Variants in CDH12 observed in about 807,000 individuals in gnomAD.
CDH12 encodes the protein cadherin-12.
In CDH12, 41 loss-of-function variants were observed where a neutral mutation model predicts 74.1. The observed-to-expected ratio is 0.55, with a 90% CI of 0.43 to 0.72. The LOEUF is 0.72. CDH12 is among the 30% of genes least tolerant of loss of function. The pLI is 0.00. For synonymous variants in CDH12, 399 were observed against 355.0 expected (o/e 1.12, Z -1.39); for missense variants, 945 against 977.2 (o/e 0.97, Z 0.44).
chr5:21,880,572 T>TTCCCTTCCTTCC (rs1579895240), intron 6 of CDH12, among the ~76,000 whole-genome samples: 8 of 12,952 alleles, frequency 6.2e-4, no homozygotes, highest in African/African-American at 1.1e-3. Flanking sequence ...CCCTTCTTTC[T>TTCCCTTCCTTCC]TTCCTTCCTT....
intron 3 of CDH12, among the ~76,000 whole-genome samples, chr5:22,304,414 T>C (rs1340029142): frequency 6.6e-6 from 1 of 152,198 alleles, no homozygotes; most frequent in Non-Finnish European, 1.5e-5. Context: ...TTTCTTGCTA[T>C]GCACTCTCAA....
intron 1 of CDH12, among the ~76,000 whole-genome samples, chr5:22,677,306 G>A (rs528171017): frequency 4.6e-5 from 7 of 152,164 alleles, no homozygotes; most frequent in Admixed American, 2.0e-4. Flanking sequence ...AATTTATTGC[G>A]CACAGTTACA....
chr5:22,016,798 G>A (rs1737637883), intron 5 of CDH12, among the ~76,000 whole-genome samples: 1 of 152,100 alleles, frequency 6.6e-6, no homozygotes, highest in Non-Finnish European at 1.5e-5. Flanking sequence ...TCTCTTCTCT[G>A]AAGTAAACCT....
At chr5:22,221,714 A>T (rs994079578) in intron 3 of CDH12, among the ~76,000 whole-genome samples, 1 of 151,874 alleles carries the variant, frequency 6.6e-6, no homozygotes, top group Non-Finnish European at 1.5e-5. Context: ...CCCATGTCCT[A>T]TTGATAGTGG....
chr5:22,197,915 A>G (rs1287635173), intron 4 of CDH12, among the ~76,000 whole-genome samples: 1 of 152,274 alleles, frequency 6.6e-6, no homozygotes, highest in African/African-American at 2.4e-5. Context: ...TGAGTGTGAA[A>G]TCAATTTGAA....
At chr5:21,996,107 T>G (rs1276905756) in intron 5 of CDH12, among the ~76,000 whole-genome samples, 2 of 77,134 alleles carry the variant, frequency 2.6e-5, no homozygotes, top group Non-Finnish European at 4.4e-5. Context: ...ACACACACGT[T>G]TTTTTTTTTT....
At chr5:22,629,701 A>T (rs34999678) in intron 1 of CDH12, among the ~76,000 whole-genome samples, 51,401 of 151,946 alleles carry the variant, frequency 0.34, 9,153 homozygotes, top group African/African-American at 0.44. Flanking sequence ...GAACTGGAAC[A>T]AGACAAGGAT....
chr5:22,627,643 C>A (rs905368959), intron 1 of CDH12, among the ~76,000 whole-genome samples: 7 of 152,028 alleles, frequency 4.6e-5, no homozygotes, highest in Non-Finnish European at 1.0e-4. Flanking sequence ...CACTTAAGTA[C>A]GTAGACCATT....
At chr5:22,748,994 GAC>G (rs1745426389) in intron 1 of CDH12, among the ~76,000 whole-genome samples, 1 of 152,152 alleles carries the variant, frequency 6.6e-6, no homozygotes, top group African/African-American at 2.4e-5. Context: ...CTATGATAGA[GAC>G]ATCATTGATG....
rs927796100 is a variant in CDH12 at position 22,588,720 on chromosome 5, T to C, written c.-522-83356A>G. The stretch of plus-strand genomic sequence containing the variant: ...ATAATGCTATCAGCTCACTGTCAAA[T>C]CTACTAATCTGCTGGTACCTTACTC... On this transcript the variant is annotated intron_variant, in intron 1 of 14. Transcript: ENST00000382254. Among the ~76,000 whole-genome samples, 13 of 152,282 alleles carry C rather than the reference T, an allele frequency of 8.5e-5. No homozygotes were observed. In the East Asian group the frequency reaches 2.1e-3, roughly 25 times the overall value.
intron 4 of CDH12, among the ~76,000 whole-genome samples, chr5:22,153,518 T>C (rs1489270041): frequency 6.6e-6 from 1 of 151,560 alleles, no homozygotes; most frequent in African/African-American, 2.4e-5. Context: ...GCAATCCAAC[T>C]GCTTGGTTTT....
At chr5:21,917,337 T>A (rs146945588) in intron 6 of CDH12, among the ~76,000 whole-genome samples, 35 of 152,270 alleles carry the variant, frequency 2.3e-4, no homozygotes, top group Non-Finnish European at 4.3e-4. Flanking sequence ...ATGTTTAGGG[T>A]GTGGACGGGG....
At chr5:21,918,024 C>T (rs1372267135) in intron 6 of CDH12, among the ~76,000 whole-genome samples, 1 of 152,110 alleles carries the variant, frequency 6.6e-6, no homozygotes, top group Non-Finnish European at 1.5e-5. Context: ...ATTAAAGTCA[C>T]AATGTTACCT....
intron 3 of CDH12, among the ~76,000 whole-genome samples, chr5:22,289,392 C>T (rs1264902049): frequency 6.6e-6 from 1 of 152,100 alleles, no homozygotes; most frequent in East Asian, 1.9e-4. Context: ...GTCATCTGTT[C>T]ATCAAGAATG....
intron 1 of CDH12, among the ~76,000 whole-genome samples, chr5:22,766,617 T>C (rs1746528450): frequency 6.6e-6 from 1 of 152,066 alleles, no homozygotes; most frequent in African/African-American, 2.4e-5. Flanking sequence ...GCTTAATATG[T>C]CCAGTTGGCC....
At chr5:22,273,615 T>C (rs1736501439) in intron 3 of CDH12, among the ~76,000 whole-genome samples, 2 of 152,210 alleles carry the variant, frequency 1.3e-5, no homozygotes, top group East Asian at 3.8e-4. Context: ...GTCTTTTCCG[T>C]GCATTTCCTA....
chr5:22,765,357 G>A (rs560066050), intron 1 of CDH12, among the ~76,000 whole-genome samples: 1 of 152,028 alleles, frequency 6.6e-6, no homozygotes, highest in Non-Finnish European at 1.5e-5. Flanking sequence ...AGCAGATAAT[G>A]ATATGTCTAG....
chr5:22,675,431 C>T (rs952473091), intron 1 of CDH12, among the ~76,000 whole-genome samples: 1 of 152,168 alleles, frequency 6.6e-6, no homozygotes, highest in Non-Finnish European at 1.5e-5. Context: ...CCCAAGAAGA[C>T]ATTTGCTGCA....
intron 1 of CDH12, among the ~76,000 whole-genome samples, chr5:22,749,785 A>G (rs1292505772): frequency 6.6e-6 from 1 of 152,208 alleles, no homozygotes; most frequent in African/African-American, 2.4e-5. Flanking sequence ...CCCCTTGCAG[A>G]TGTTCAAAAC....
Sources: allele counts gnomAD v4.1 joint callset (sites outside exome capture counted in the v4.1 genomes callset), GRCh38; gene constraint gnomAD v4.1.1; transcripts MANE v1.5; gene names NCBI Gene and HGNC (gene_info 2026-07-23, HGNC 2026-07-21).